WASL: variants seen among roughly 807,000 people sequenced by gnomAD.
WASL encodes the protein WASP like actin nucleation promoting factor.
In WASL, 20 loss-of-function variants were observed where a neutral mutation model predicts 55.5. That is an observed-to-expected ratio of 0.36 (90% CI 0.25 to 0.52). The LOEUF (loss-of-function observed/expected upper bound fraction) is 0.52, where lower values mean the gene tolerates loss of function less well. Among genes scored for constraint, WASL ranks in the 20% least tolerant of loss-of-function variants. WASL has a pLI of 0.92. For synonymous variants in WASL, 249 were observed against 217.6 expected (o/e 1.14, Z -1.27); for missense variants, 504 against 622.5 (o/e 0.81, Z 2.03).
intron 1 of WASL, among the ~76,000 whole-genome samples, chr7:123,729,795 T>C (rs1169322428): frequency 6.6e-6 from 1 of 152,182 alleles, no homozygotes; most frequent in Non-Finnish European, 1.5e-5. Flanking sequence ...TATGAGATTG[T>C]GATAATCCGG....
intron 1 of WASL, among the ~76,000 whole-genome samples, chr7:123,746,224 T>C (rs1197305174): frequency 2.0e-5 from 3 of 152,230 alleles, no homozygotes; most frequent in Non-Finnish European, 2.9e-5. Context: ...GTAAGCTCCC[T>C]GAGGACAAGT....
intron 6 of WASL, among the ~76,000 whole-genome samples, 181 bp downstream of exon 6, chr7:123,696,398 T>C (rs189786983): frequency 6.6e-6 from 1 of 151,246 alleles, no homozygotes; most frequent in Admixed American, 6.6e-5. Flanking sequence ...AGAACATCTA[T>C]TGAGCAGCTG....
intron 7 of WASL, among the ~76,000 whole-genome samples, chr7:123,695,343 CAAAT>C (rs1803474629): frequency 2.0e-5 from 3 of 152,200 alleles, no homozygotes; most frequent in South Asian, 4.1e-4. Context: ...ACTCCAATCA[CAAAT>C]AATATCTCTT....
chr7:123,709,063 T>G (rs1313692721), intron 2 of WASL, 26 bp downstream of exon 2: 1 of 1,583,608 alleles, frequency 6.3e-7, no homozygotes, highest in Admixed American at 1.8e-5. Context: ...TCACCTAGTT[T>G]AAAGTGAAAG....
At chr7:123,693,989 T>C (rs1584856889) in intron 8 of WASL, among the ~76,000 whole-genome samples, 1 of 152,156 alleles carries the variant, frequency 6.6e-6, no homozygotes. Context: ...GAAAAAGACA[T>C]AAGTAAACTG....
At chr7:123,739,412 T>C (rs1377968159) in intron 1 of WASL, among the ~76,000 whole-genome samples, 2 of 152,244 alleles carry the variant, frequency 1.3e-5, no homozygotes, top group African/African-American at 2.4e-5. Flanking sequence ...CTAATGATGG[T>C]TCCACTTACA....
chr7:123,747,632 C>T (rs1394522705), intron 1 of WASL, among the ~76,000 whole-genome samples: 1 of 152,184 alleles, frequency 6.6e-6, no homozygotes, highest in Non-Finnish European at 1.5e-5. Flanking sequence ...GTGGCACATA[C>T]TCTGCAGGTG....
chr7:123,688,845 C>T (rs1803344832), intron 10 of WASL, among the ~76,000 whole-genome samples, 197 bp downstream of exon 10: 1 of 152,120 alleles, frequency 6.6e-6, no homozygotes, highest in East Asian at 1.9e-4. Flanking sequence ...TTTGTTAAGT[C>T]TCAGAGAGAC....
intron 1 of WASL, among the ~76,000 whole-genome samples, chr7:123,744,097 T>C (rs2116829910): frequency 6.6e-6 from 1 of 152,326 alleles, no homozygotes; most frequent in Middle Eastern, 3.4e-3. Context: ...CCATCATCAA[T>C]ACAATGATCC....
intron 1 of WASL, among the ~76,000 whole-genome samples, chr7:123,723,307 C>T (rs1282205256): frequency 6.6e-6 from 1 of 151,968 alleles, no homozygotes; most frequent in South Asian, 2.1e-4. Flanking sequence ...TAAAGAGAAT[C>T]TGAAAAAAGC....
chr7:123,733,877 T>C (rs1804181187), intron 1 of WASL, among the ~76,000 whole-genome samples: 1 of 145,834 alleles, frequency 6.9e-6, no homozygotes, highest in South Asian at 2.2e-4. Flanking sequence ...ATAATAATCT[T>C]CTCAACAAGT....
intron 1 of WASL, among the ~76,000 whole-genome samples, chr7:123,719,887 C>T (rs1803909214): frequency 6.6e-6 from 1 of 152,206 alleles, no homozygotes; most frequent in Non-Finnish European, 1.5e-5. Flanking sequence ...TGACAGGAAC[C>T]TCCCAACCCA....
At chr7:123,745,867 T>A (rs1418119523) in intron 1 of WASL, among the ~76,000 whole-genome samples, 1 of 152,112 alleles carries the variant, frequency 6.6e-6, no homozygotes, top group Non-Finnish European at 1.5e-5. Context: ...GCCTAGGGAG[T>A]ACCTGTTTAA....
intron 1 of WASL, among the ~76,000 whole-genome samples, chr7:123,737,114 C>T (rs192751491): frequency 1.8e-3 from 277 of 152,170 alleles, no homozygotes; most frequent in Non-Finnish European, 3.1e-3. Context: ...TTGGGCCACA[C>T]ATAAAATACA....
At chr7:123,706,035 G>T (rs1803664587) in intron 4 of WASL, among the ~76,000 whole-genome samples, 1 of 151,980 alleles carries the variant, frequency 6.6e-6, no homozygotes, top group Non-Finnish European at 1.5e-5. Context: ...TTAAGGTAAG[G>T]ACCACCAAAT....
At chr7:123,721,915 T>G (rs1356417117) in intron 1 of WASL, among the ~76,000 whole-genome samples, 1 of 152,126 alleles carries the variant, frequency 6.6e-6, no homozygotes, top group African/African-American at 2.4e-5. Flanking sequence ...ATGTATAAAT[T>G]AATTGGGAAT....
At chr7:123,741,550 C>T (rs1804342415) in intron 1 of WASL, among the ~76,000 whole-genome samples, 1 of 152,150 alleles carries the variant, frequency 6.6e-6, no homozygotes, top group Non-Finnish European at 1.5e-5. Context: ...GCTATGACTT[C>T]TAGACAGAAT....
intron 1 of WASL, among the ~76,000 whole-genome samples, chr7:123,743,264 G>A (rs1804376364): frequency 6.6e-6 from 1 of 151,266 alleles, no homozygotes; most frequent in Admixed American, 6.6e-5. Flanking sequence ...TTGAACCTGG[G>A]AGGCCGAGGT....
At chr7:123,697,105 G>T (rs1225831366) in intron 5 of WASL, among the ~76,000 whole-genome samples, 4 of 151,160 alleles carry the variant, frequency 2.6e-5, no homozygotes, top group Non-Finnish European at 5.9e-5. Flanking sequence ...AACATATCTT[G>T]TAACAAGGAT....
Sources: gnomAD v4.1 joint callset for allele counts (sites outside exome capture counted in the v4.1 genomes callset) on GRCh38, gnomAD v4.1.1 for gene constraint, MANE v1.5 for transcripts, NCBI Gene and HGNC (gene_info 2026-07-23, HGNC 2026-07-21) for gene names.